Variants in CDK14 observed in about 807,000 individuals in gnomAD.
CDK14 encodes cyclin dependent kinase 14.
In CDK14, 34 loss-of-function variants were observed where a neutral mutation model predicts 60.7. The observed-to-expected ratio is 0.56, with a 90% CI of 0.43 to 0.75. The LOEUF is 0.75. Ranked by LOEUF, CDK14 falls within the 30% of genes least tolerant of loss-of-function variation. The probability of loss-of-function intolerance (pLI) is 0.00; values close to 1 mark genes in which losing one functional copy is unlikely to be tolerated. For missense variants in CDK14, 482 were observed against 564.1 expected (o/e 0.85, Z 1.47); for synonymous variants, 197 against 203.7 (o/e 0.97, Z 0.28).
intron 4 of CDK14, among the ~76,000 whole-genome samples, chr7:90,780,513 A>G (rs6972039): frequency 0.91 from 136,446 of 149,434 alleles, 62,432 homozygotes; most frequent in East Asian, 1. Flanking sequence ...CCATGTTGGT[A>G]TGCTGCACCC....
chr7:90,783,222 A>G (rs1805420164), intron 4 of CDK14, among the ~76,000 whole-genome samples: 1 of 152,136 alleles, frequency 6.6e-6, no homozygotes, highest in Admixed American at 6.5e-5. Flanking sequence ...TGTTGATTGA[A>G]TATGCCCTTC....
chr7:90,724,685 A>G (rs1394442708), intron 2 of CDK14, among the ~76,000 whole-genome samples: 4 of 151,926 alleles, frequency 2.6e-5, no homozygotes, highest in African/African-American at 9.7e-5. Flanking sequence ...CTATTAATTT[A>G]GTCATCAACT....
chr7:90,701,000 T>A (rs1801773541), intron 2 of CDK14, among the ~76,000 whole-genome samples: 1 of 152,234 alleles, frequency 6.6e-6, no homozygotes, highest in Admixed American at 6.5e-5. Context: ...TAGTTTACTT[T>A]ACAATGTCTT....
intron 10 of CDK14, among the ~76,000 whole-genome samples, chr7:91,041,175 CT>C (rs34055384): frequency 0.071 from 10,114 of 142,570 alleles, 385 homozygotes; most frequent in Middle Eastern, 0.17. Flanking sequence ...TGAGCTTGTC[CT>C]TTTTTTTTTT....
chr7:90,797,696 A>G (rs561051535), intron 5 of CDK14, among the ~76,000 whole-genome samples: 1 of 152,072 alleles, frequency 6.6e-6, no homozygotes, highest in East Asian at 1.9e-4. Context: ...GAAACTTTCA[A>G]TCATCCTATA....
intron 10 of CDK14, among the ~76,000 whole-genome samples, chr7:91,033,462 C>A (rs1436457965): frequency 6.6e-6 from 1 of 152,214 alleles, no homozygotes; most frequent in Non-Finnish European, 1.5e-5. Flanking sequence ...AATTAGAATG[C>A]ATCTTTTAAA....
chr7:90,846,831 T>G (rs1239882832), intron 5 of CDK14, among the ~76,000 whole-genome samples: 2 of 152,136 alleles, frequency 1.3e-5, no homozygotes, highest in Non-Finnish European at 2.9e-5. Context: ...GGGCTTGGCC[T>G]CTGTATAGGC....
At chr7:91,157,412 C>T (rs1801016169) in intron 14 of CDK14, among the ~76,000 whole-genome samples, 1 of 152,158 alleles carries the variant, frequency 6.6e-6, no homozygotes, top group Non-Finnish European at 1.5e-5. Flanking sequence ...CTGAATCTCT[C>T]CAAGGCTCAT....
intron 2 of CDK14, among the ~76,000 whole-genome samples, chr7:90,659,648 G>A (rs1344924711): frequency 2.0e-5 from 3 of 152,116 alleles, no homozygotes; most frequent in Non-Finnish European, 4.4e-5. Context: ...GTATAAAAAT[G>A]TCCATTCTTT....
At chr7:90,680,536 T>C (rs1472179631) in intron 2 of CDK14, among the ~76,000 whole-genome samples, 1 of 152,096 alleles carries the variant, frequency 6.6e-6, no homozygotes. Context: ...ATAGAATGAG[T>C]TTCTATTTGT....
At chr7:90,973,552 G>A (rs77898879) in intron 9 of CDK14, among the ~76,000 whole-genome samples, 11,290 of 152,102 alleles carry the variant, frequency 0.074, 505 homozygotes, top group Middle Eastern at 0.14. Context: ...AACTTTTATC[G>A]GGGGGACCAG....
chr7:91,175,015 C>A (rs1254557127), intron 14 of CDK14, among the ~76,000 whole-genome samples: 1 of 143,864 alleles, frequency 7.0e-6, no homozygotes. Context: ...CCAGATTCAC[C>A]AAAGTTGAAA....
chr7:91,082,848 T>C (rs1257556281), intron 12 of CDK14, among the ~76,000 whole-genome samples: 1 of 152,330 alleles, frequency 6.6e-6, no homozygotes, highest in African/African-American at 2.4e-5. Context: ...TGTATTTTTC[T>C]TGTCATTATA....
chr7:90,856,154 G>C (rs1042263446), intron 5 of CDK14, among the ~76,000 whole-genome samples: 6 of 152,054 alleles, frequency 3.9e-5, no homozygotes, highest in Non-Finnish European at 8.8e-5. Flanking sequence ...TTCCAATTTT[G>C]GATGACATCT....
At chr7:91,184,561 CAGGA>C (rs903091962) in intron 14 of CDK14, among the ~76,000 whole-genome samples, 1 of 152,066 alleles carries the variant, frequency 6.6e-6, no homozygotes, top group Non-Finnish European at 1.5e-5. Flanking sequence ...TAATCAAAGA[CAGGA>C]AGAAAGAGAG....
chr7:91,032,412 A>T (rs952245015), intron 10 of CDK14, among the ~76,000 whole-genome samples: 3 of 152,224 alleles, frequency 2.0e-5, no homozygotes, highest in Non-Finnish European at 4.4e-5. Flanking sequence ...CCTGGAACCT[A>T]TAATCCAACC....
At chr7:90,998,063 C>T (rs1213097354) in intron 10 of CDK14, among the ~76,000 whole-genome samples, 2 of 152,162 alleles carry the variant, frequency 1.3e-5, no homozygotes, top group African/African-American at 4.8e-5. Context: ...ATAATCAGTG[C>T]ATAGAGTGGC....
rs189874073 is a variant in CDK14, at chr7:90,671,939, C to T, written c.124-54628C>T. 1.3e-3 allele frequency among the ~76,000 whole-genome samples: 202 copies of T among 152,310 alleles called. 3 individuals carry two copies. The Middle Eastern group carries it at 0.02, about 15-fold the overall frequency. On this transcript the variant is annotated intron_variant, in intron 2 of 14. Transcript: ENST00000380050. ...CAAATTATTCTGCTCCATTTGGAGT[C>T]TAGGAACCATTTGCCAGAACTTCAG...
chr7:91,092,562 G>A (rs967501862), intron 12 of CDK14, among the ~76,000 whole-genome samples: 7 of 152,182 alleles, frequency 4.6e-5, no homozygotes, highest in African/African-American at 7.2e-5. Flanking sequence ...ATGAACATGC[G>A]AATTATCGCA....
Sources: allele counts gnomAD v4.1 joint callset (sites outside exome capture counted in the v4.1 genomes callset), GRCh38; gene constraint gnomAD v4.1.1; transcripts MANE v1.5; gene names NCBI Gene and HGNC (gene_info 2026-07-23, HGNC 2026-07-21).